PER3: variants seen among roughly 807,000 people sequenced by gnomAD.
PER3 encodes period circadian regulator 3, also known as period circadian protein homolog 3.
A neutral mutation model predicts 127.2 loss-of-function variants in PER3; 107 were observed. The ratio of observed to expected loss-of-function variants is 0.84; its 90% CI spans 0.72 to 0.99. PER3 has a LOEUF of 0.99. Among genes scored for constraint, PER3 ranks in the 50% least tolerant of loss-of-function variants. PER3 has a pLI of 0.00. For synonymous variants in PER3, 618 were observed against 585.8 expected, an observed-to-expected ratio of 1.05 and a Z score of -0.79; for missense variants, 1,560 against 1,525.8, an observed-to-expected ratio of 1.02 and a Z score of -0.37.
intron 21 of PER3, 36 bp from the exon 22 acceptor site, chr1:7,842,636 C>CAA: frequency 6.2e-7 from 1 of 1,611,130 alleles, no homozygotes; most frequent in Non-Finnish European, 8.5e-7. Flanking sequence ...GTGACATTGA[C>CAA]ATCAAGTAAC....
intron 2 of PER3, 100 bp downstream of exon 2, chr1:7,785,105 C>A: frequency 7.5e-7 from 1 of 1,330,826 alleles, no homozygotes; most frequent in Non-Finnish European, 1.0e-6. Flanking sequence ...TGTTTTCAAG[C>A]CCAGGGGAAA....
intron 5 of PER3, 95 bp from the exon 6 acceptor site, chr1:7,793,861 TA>T (rs1273237109): frequency 2.9e-6 from 3 of 1,044,354 alleles, no homozygotes; most frequent in Non-Finnish European, 1.5e-6. Context: ...CTCTCTCTTT[TA>T]AAAAATAGTT....
At chr1:7,800,800 C>T (rs1227525350) in intron 7 of PER3, among the ~76,000 whole-genome samples, 2 of 142,550 alleles carry the variant, frequency 1.4e-5, no homozygotes, top group Non-Finnish European at 3.0e-5. Context: ...GCACTCCAAC[C>T]TGGGGGATAG....
In PER3 at chr1:7,788,156, G is replaced by C; in HGVS notation, c.502G>C (p.Val168Leu). The change falls in exon 5 of 22, where the codon GTT (valine) becomes CTT (leucine). Residue 168 changes from valine to leucine, a missense_variant. This residue lies in a region of PER3 where 1,332 missense variants were observed against 1,223.6 expected (regional missense o/e 1.09). Coordinates refer to ENST00000377532, the MANE Select transcript of PER3 (RefSeq NM_001377275.1). ...AGATGTCCTGGCGTCTTCTCACTTT[G>C]TTGACCTGCTTGCACCTCAAGACAT... ...KKDVLASSHF[V>L]DLLAPQDMRV... 1.2e-6 allele frequency: 2 copies of C among 1,614,010 alleles called. No homozygotes were observed. The highest frequency in any genetic ancestry group is 1.7e-6 in the Non-Finnish European group (2 of 1,179,916).
At chr1:7,833,532 T>C (rs1447186811) in intron 19 of PER3, among the ~76,000 whole-genome samples, 1 of 152,252 alleles carries the variant, frequency 6.6e-6, no homozygotes, top group African/African-American at 2.4e-5. Context: ...AAGTCTGCTT[T>C]GTCTGATATC....
chr1:7,838,089 T>G (rs1181264444), intron 21 of PER3, among the ~76,000 whole-genome samples: 1 of 151,968 alleles, frequency 6.6e-6, no homozygotes, highest in African/African-American at 2.4e-5. Context: ...AAAAATATTT[T>G]TAAAAAAGAG....
chr1:7,827,749 A>G lies in PER3; in HGVS notation c.2820A>G (p.Glu940=). ...CCTTGCAGTTAAACTTACTTCAGGA[A>G]GAGATGCCCAGACCCTCTGAATCTC... is the stretch of plus-strand genomic sequence containing the variant. ...SSPLQLNLLQ[E]EMPRPSESPD... is the part of the protein sequence containing the mutation. The change falls in exon 18 of 22, where the codon GAA becomes GAG. Residue 940 remains glutamate (E), a synonymous_variant. Transcript: ENST00000377532. 4 of 1,614,066 alleles carry G rather than the reference A, an allele frequency of 2.5e-6. No individual in the cohort carries two copies. Among genetic ancestry groups the G allele is most frequent in the South Asian group, 1.1e-5 (1 of 91,092 alleles).
chr1:7,785,964 T>C (rs573679223), intron 3 of PER3, among the ~76,000 whole-genome samples: 3 of 152,330 alleles, frequency 2.0e-5, no homozygotes, highest in African/African-American at 7.2e-5. Flanking sequence ...ACTTTCAAAA[T>C]GCAGTAATGA....
At chr1:7,803,536 C>T (rs575218061) in intron 9 of PER3, among the ~76,000 whole-genome samples, 156 bp from the exon 10 acceptor site, 16 of 151,946 alleles carry the variant, frequency 1.1e-4, no homozygotes, top group African/African-American at 3.9e-4. Context: ...TGCAGTGAGC[C>T]AATATCATGC....
rs772821478 is a variant in PER3 at position 7,827,596 on chromosome 1, C to G, written c.2667C>G (p.Pro889=). The change falls in exon 18 of 22, where the codon CCC becomes CCG. Residue 889 remains proline, a synonymous_variant. Transcript: ENST00000377532. ...LGATASSAIS[P]SMSSAMSPTL... ...CGACAGCCTCTTCTGCGATATCACC[C>G]TCAATGTCGTCAGCAATGAGTCCAA... is the stretch of plus-strand genomic sequence containing the variant. 1.9e-6 allele frequency: 3 copies of G among 1,614,208 alleles called. No individual in the cohort carries two copies. Among genetic ancestry groups the G allele is most frequent in the Non-Finnish European group, 2.5e-6 (3 of 1,180,024 alleles).
At chr1:7,800,020 C>T (rs1238476092) in intron 7 of PER3, among the ~76,000 whole-genome samples, 3 of 152,056 alleles carry the variant, frequency 2.0e-5, no homozygotes, top group African/African-American at 7.3e-5. Flanking sequence ...TCTAGTGATC[C>T]TCCTGCCTTG....
Position 7,827,248 on chromosome 1 carries a change from G to C in PER3, c.2319G>C (p.Gln773His). 1 of 1,613,990 alleles carries C rather than the reference G, an allele frequency of 6.2e-7. No homozygotes were observed. Among genetic ancestry groups the C allele is most frequent in the East Asian group, 2.2e-5 (1 of 44,852 alleles). The change falls in exon 18 of 22, where the codon CAG becomes CAC. Residue 773 changes from glutamine to histidine, a missense_variant. By Grantham distance (24) the Gln-to-His change is conservative. This residue lies in a region of PER3 where 1,332 missense variants were observed against 1,223.6 expected (regional missense o/e 1.09). Transcript: ENST00000377532. ...TGSGPRRGAH[Q>H]NAQPCCPSAA... ...CTGGTCCCCGCAGGGGAGCGCATCA[G>C]AACGCACAGCCCTGCTGCCCCTCCG...
chr1:7,784,949 G>A lies in PER3; in HGVS notation c.72G>A (p.Gly24=). Residue 24 remains glycine, a synonymous_variant, in exon 2 of 22, where the codon GGG becomes GGA. Transcript: ENST00000377532. ...ACGAGGCCCTGGGCGAAGAATCGGG[G>A]GAGCGGTGGAGCCCCGAGTTCCATC... is the stretch of plus-strand genomic sequence containing the variant. ...AKDEALGEES[G]ERWSPEFHLQ... 3 of 1,543,580 alleles carry A rather than the reference G, an allele frequency of 1.9e-6. No homozygotes were observed. The highest frequency in any genetic ancestry group is 2.6e-6 in the Non-Finnish European group (3 of 1,156,188).
At chr1:7,813,398 G>C (rs1164645238) in intron 13 of PER3, among the ~76,000 whole-genome samples, 1 of 152,214 alleles carries the variant, frequency 6.6e-6, no homozygotes, top group African/African-American at 2.4e-5. Context: ...ACTTCAGAGT[G>C]CTGAGGTTAC....
At chr1:7,798,743 G>A (rs1558401610) in intron 7 of PER3, 70 bp downstream of exon 7, 1 of 1,300,846 alleles carries the variant, frequency 7.7e-7, no homozygotes, top group African/African-American at 1.5e-5. Context: ...GTTTACGTCA[G>A]TCATAGAACA....
chr1:7,810,041 A>G lies in PER3; in HGVS notation c.1371+20A>G. On this transcript the variant is annotated intron_variant, in intron 12 of 21. Coordinates refer to ENST00000377532, the MANE Select transcript of PER3 (RefSeq NM_001377275.1). ...GAGCAGGTGCATGGGCTTATGTCAC[A>G]TTCTTATACAGGCATCGTGTTTTCT... The G allele has an allele frequency of 6.2e-7, 1 of 1,606,020 alleles. No individual in the cohort carries two copies. The highest frequency in any genetic ancestry group is 8.5e-7 in the Non-Finnish European group (1 of 1,174,770).
At position 7,796,319 on chromosome 1, in the gene PER3, C is replaced by CTTTTTTTTTTTTT. The variant is rs71567315; in HGVS notation, c.645-2201_645-2189dup. Among the ~76,000 whole-genome samples, 14 of 109,820 alleles carry CTTTTTTTTTTTTT rather than the reference C, an allele frequency of 1.3e-4. 1 individual carries two copies. The highest frequency in any genetic ancestry group is 3.4e-4 in the South Asian group (1 of 2,948). The allele number at this position is 109,820 out of a possible 152,430, so 72.0% of individuals were successfully genotyped here. ...GGTAGGAAACGTTCATTTCAGTTTC[C>CTTTTTTTTTTTTT]TTTTTTTTTTTTTTTTTGAGACAGG... On this transcript the variant is annotated intron_variant, in intron 6 of 21. Transcript: ENST00000377532.
chr1:7,784,295 G>C lies in PER3; in HGVS notation c.-306G>C, dbSNP rs373227456. 1.3e-5 allele frequency: 2 copies of C among 149,600 alleles called. No individual in the cohort carries two copies. Among genetic ancestry groups the C allele is most frequent in the Non-Finnish European group, 3.0e-5 (2 of 67,060 alleles). 9.3% of individuals were successfully genotyped at this position (149,600 alleles called of 1,614,324 possible). On this transcript the variant is annotated 5_prime_UTR_variant, in exon 1 of 22. Coordinates refer to ENST00000377532, the MANE Select transcript of PER3 (RefSeq NM_001377275.1). ...GGGGGCGCGGCGCCGGCTGCTGACC[G>C]GCACGCGGCGAGCCTCGAGACTGCG...
chr1:7,830,285 T>A, intron 19 of PER3, 124 bp downstream of exon 19: 1 of 826,094 alleles, frequency 1.2e-6, no homozygotes, highest in Non-Finnish European at 1.9e-6. Flanking sequence ...TTTTCCCTTT[T>A]TCCTTTTTGT....
Sources: gnomAD v4.1 joint callset for allele counts (sites outside exome capture counted in the v4.1 genomes callset) on GRCh38, gnomAD v4.1.1 for gene constraint, gnomAD v4.1.1 regional missense constraint, MANE v1.5 for transcripts, NCBI Gene and HGNC (gene_info 2026-07-23, HGNC 2026-07-21) for gene names.